Variants in KCNAB1 observed in about 807,000 individuals in gnomAD.
KCNAB1 encodes potassium voltage-gated channel subfamily A regulatory beta subunit 1.
KCNAB1 carries 35 observed loss-of-function variants against 64.6 expected under a neutral mutation model. The ratio of observed to expected loss-of-function variants is 0.54; its 90% CI spans 0.41 to 0.72. The LOEUF (loss-of-function observed/expected upper bound fraction) is 0.72, where lower values mean the gene tolerates loss of function less well. Ranked by LOEUF, KCNAB1 falls within the 30% of genes least tolerant of loss-of-function variation. The probability of loss-of-function intolerance (pLI) is 0.00; values close to 1 mark genes in which losing one functional copy is unlikely to be tolerated. For synonymous variants in KCNAB1, 177 were observed against 183.8 expected, an observed-to-expected ratio of 0.96 and a Z score of 0.30; for missense variants, 401 against 512.9, an observed-to-expected ratio of 0.78 and a Z score of 2.11.
chr3:156,462,975 A>G (rs540150271), intron 5 of KCNAB1, among the ~76,000 whole-genome samples: 36 of 152,206 alleles, frequency 2.4e-4, no homozygotes, highest in Non-Finnish European at 4.7e-4. Flanking sequence ...CTGATGAGAT[A>G]TGCACATTTC....
At chr3:156,359,394 A>G (rs563443673) in intron 1 of KCNAB1, among the ~76,000 whole-genome samples, 40 of 152,086 alleles carry the variant, frequency 2.6e-4, no homozygotes, top group African/African-American at 8.7e-4. Flanking sequence ...AAAATGTGCA[A>G]CAATCTACAC....
At chr3:156,379,705 G>A (rs1042678197) in intron 1 of KCNAB1, among the ~76,000 whole-genome samples, 2 of 152,118 alleles carry the variant, frequency 1.3e-5, no homozygotes, top group African/African-American at 4.8e-5. Context: ...GGAGGGAAAT[G>A]GGACTTCACC....
chr3:156,524,628 TC>T (rs1718178063), intron 12 of KCNAB1, among the ~76,000 whole-genome samples: 1 of 151,516 alleles, frequency 6.6e-6, no homozygotes, highest in African/African-American at 2.4e-5. Flanking sequence ...GTGCCTGTAG[TC>T]CCAGCTACTT....
chr3:156,203,293 A>T (rs1714460073), intron 1 of KCNAB1, among the ~76,000 whole-genome samples: 6 of 152,190 alleles, frequency 3.9e-5, no homozygotes, highest in Admixed American at 3.9e-4. Flanking sequence ...GGTCCTATAA[A>T]AGTTTGCTGA....
At chr3:156,299,536 C>G (rs143308384) in intron 1 of KCNAB1, among the ~76,000 whole-genome samples, 1 of 152,194 alleles carries the variant, frequency 6.6e-6, no homozygotes, top group Non-Finnish European at 1.5e-5. Flanking sequence ...ACATGTAACA[C>G]TGGACAGGAA....
At chr3:156,118,427 G>T, upstream of KCNAB1, 1 of 395,680 alleles carries the variant, frequency 2.5e-6, no homozygotes, top group South Asian at 1.9e-5. Flanking sequence ...ATGTTACATA[G>T]CACCACTTCC....
chr3:156,390,473 G>A (rs763241295), intron 1 of KCNAB1, among the ~76,000 whole-genome samples: 4 of 152,110 alleles, frequency 2.6e-5, no homozygotes, highest in Non-Finnish European at 5.9e-5. Flanking sequence ...AAAAAAGGAG[G>A]GAAAGTGTTT....
At chr3:156,312,724 A>AAAAAAAAAAAAAAAAAAAAAT (rs1722003991) in intron 1 of KCNAB1, among the ~76,000 whole-genome samples, 1 of 151,054 alleles carries the variant, frequency 6.6e-6, no homozygotes, top group Admixed American at 6.6e-5. Context: ...AAAAAAAAAA[A>AAAAAAAAAAAAAAAAAAAAAT]AAAAAAACTC....
At position 156,338,150 on chromosome 3, in the gene KCNAB1, T is replaced by G. The variant is rs139325009; in HGVS notation, c.276-83466T>G. On this transcript the variant is annotated intron_variant, in intron 1 of 13. Transcript: ENST00000490337. The stretch of plus-strand genomic sequence containing the variant: ...TCAAGGAAGGATTCACAAATCTGGT[T>G]GATCAAGTTCCAAGGTCACATCAGT... 2.9e-3 allele frequency among the ~76,000 whole-genome samples: 441 copies of G among 152,274 alleles called. 5 individuals are homozygous for G. The highest frequency in any genetic ancestry group is 0.01 in the African/African-American group (418 of 41,552).
intron 1 of KCNAB1, among the ~76,000 whole-genome samples, chr3:156,359,866 C>A (rs1725490464): frequency 6.6e-6 from 1 of 152,140 alleles, no homozygotes. Context: ...ATATTAAAGG[C>A]AATGGTGGTA....
chr3:156,369,118 C>G (rs1235827987), intron 1 of KCNAB1, among the ~76,000 whole-genome samples: 1 of 152,152 alleles, frequency 6.6e-6, no homozygotes. Flanking sequence ...TCAATATCAC[C>G]TCTCCATAGG....
At chr3:156,409,459 T>G (rs1304949877) in intron 1 of KCNAB1, among the ~76,000 whole-genome samples, 2 of 152,224 alleles carry the variant, frequency 1.3e-5, no homozygotes, top group Non-Finnish European at 1.5e-5. Flanking sequence ...GGGGTAGCTT[T>G]GATTTCATTT....
chr3:156,143,576 T>G (rs9823206), intron 1 of KCNAB1, among the ~76,000 whole-genome samples: 224 of 17,824 alleles, frequency 0.013, 12 homozygotes, highest in Non-Finnish European at 0.014. Flanking sequence ...CTTGTTTTTT[T>G]TTTTTTTTTT....
intron 1 of KCNAB1, among the ~76,000 whole-genome samples, chr3:156,171,018 AC>A (rs1216144318): frequency 6.6e-6 from 1 of 152,156 alleles, no homozygotes; most frequent in Non-Finnish European, 1.5e-5. Context: ...TGTTCAATTG[AC>A]CCAGGAATTA....
At chr3:156,230,195 T>G (rs115639906) in intron 1 of KCNAB1, among the ~76,000 whole-genome samples, 2,088 of 152,360 alleles carry the variant, frequency 0.014, 41 homozygotes, top group African/African-American at 0.047. Flanking sequence ...TACAGTCATG[T>G]ACCACATAAT....
At chr3:156,147,360 G>A (rs1257699647) in intron 1 of KCNAB1, among the ~76,000 whole-genome samples, 1 of 152,192 alleles carries the variant, frequency 6.6e-6, no homozygotes, top group Non-Finnish European at 1.5e-5. Flanking sequence ...AAACACAGCA[G>A]CAAGGTTCCT....
At chr3:156,149,825 C>T (rs1401299873) in intron 1 of KCNAB1, among the ~76,000 whole-genome samples, 6 of 152,176 alleles carry the variant, frequency 3.9e-5, no homozygotes. Context: ...TACTTTCATC[C>T]TCCCAGGACC....
chr3:156,120,487 T>G, upstream of KCNAB1: 2 of 1,096,422 alleles, frequency 1.8e-6, no homozygotes, highest in Non-Finnish European at 2.7e-6. Flanking sequence ...AATTACAGCT[T>G]TGTGGCAGGA....
intron 1 of KCNAB1, among the ~76,000 whole-genome samples, chr3:156,232,211 C>T (rs1716574057): frequency 6.6e-6 from 1 of 152,212 alleles, no homozygotes; most frequent in Non-Finnish European, 1.5e-5. Context: ...CTCCTAACCC[C>T]TCCCTTCATA....
Sources: gnomAD v4.1 joint callset for allele counts (sites outside exome capture counted in the v4.1 genomes callset) on GRCh38, gnomAD v4.1.1 for gene constraint, MANE v1.5 for transcripts, NCBI Gene and HGNC (gene_info 2026-07-23, HGNC 2026-07-21) for gene names.